CTSH: variants seen among roughly 807,000 people sequenced by gnomAD.
The protein encoded by CTSH is pro-cathepsin H.
Under a neutral mutation model 56.3 loss-of-function variants are expected in CTSH, and 52 were observed. The observed-to-expected ratio is 0.92, with a 90% CI of 0.74 to 1.16. The LOEUF (loss-of-function observed/expected upper bound fraction) is 1.16, where lower values mean the gene tolerates loss of function less well. Among genes scored for constraint, CTSH ranks in the 50% most tolerant of loss-of-function variants. The probability of loss-of-function intolerance (pLI) is 0.00; values close to 1 mark genes in which losing one functional copy is unlikely to be tolerated. For missense variants in CTSH, 406 were observed against 424.5 expected (o/e 0.96, Z 0.38); for synonymous variants, 174 against 155.7 (o/e 1.12, Z -0.88).
At chr15:78,944,130 G>T (rs1314554171) in intron 1 of CTSH, among the ~76,000 whole-genome samples, 1 of 152,178 alleles carries the variant, frequency 6.6e-6, no homozygotes, top group Non-Finnish European at 1.5e-5. Flanking sequence ...CTCGGTGAAG[G>T]GGGCAGGTGG....
intron 2 of CTSH, 102 bp from the exon 3 acceptor site, chr15:78,937,525 T>C: frequency 1.5e-6 from 2 of 1,364,898 alleles, no homozygotes; most frequent in Non-Finnish European, 2.0e-6. Context: ...GTTTTCTTTC[T>C]GCTATGATTC....
At chr15:78,927,384 C>A (rs959176433) in intron 9 of CTSH, 3 of 371,870 alleles carry the variant, frequency 8.1e-6, no homozygotes, top group African/African-American at 4.1e-5. Context: ...CAGTTTCACA[C>A]ACGCTGTGTC....
chr15:78,931,744 A>G (rs1057387044), intron 6 of CTSH: 1 of 1,423,642 alleles, frequency 7.0e-7, no homozygotes, highest in Non-Finnish European at 9.2e-7. Flanking sequence ...GGAAGGTGAG[A>G]GGGGGCAAGG....
At position 78,937,377 on chromosome 15, in the gene CTSH, G is replaced by A. The variant is rs188231215; in HGVS notation, c.170C>T (p.Thr57Met). 41 of 1,614,080 alleles carry A rather than the reference G, an allele frequency of 2.5e-5. 2 individuals are homozygous for A. The highest frequency in any genetic ancestry group is 1.6e-4 in the East Asian group (7 of 44,888). Residue 57 changes from threonine to methionine, a missense_variant, in exon 3 of 12, where the codon ACG becomes ATG. Physicochemically the swap from Thr to Met is moderately conservative, Grantham distance 81 (BLOSUM62 -1). Coordinates refer to ENST00000220166, the MANE Select transcript of CTSH (RefSeq NM_004390.5). The part of the protein sequence containing the change: ...STEEYHHRLQ[T>M]FASNWRKINA... ...TATCTTCCTCCAGTTGCTGGCAAAC[G>A]TCTGCAGCCTGTGGTGGTACTCCTC...
At chr15:78,936,396 G>T (rs1455920551) in intron 3 of CTSH, among the ~76,000 whole-genome samples, 3 of 151,488 alleles carry the variant, frequency 2.0e-5, no homozygotes, top group Middle Eastern at 3.2e-3. Context: ...TGGCCAGGCT[G>T]GTCTCGAACT....
intron 1 of CTSH, among the ~76,000 whole-genome samples, chr15:78,940,648 C>T (rs562091940): frequency 6.6e-6 from 1 of 152,154 alleles, no homozygotes; most frequent in South Asian, 2.1e-4. Flanking sequence ...GTAACATGAA[C>T]AAACTTTTCT....
At chr15:78,941,446 A>AAT (rs2055288880) in intron 1 of CTSH, among the ~76,000 whole-genome samples, 2 of 148,026 alleles carry the variant, frequency 1.4e-5, no homozygotes, top group African/African-American at 2.5e-5. Flanking sequence ...AAAAAAAAAA[A>AAT]AAAATTAAAT....
chr15:78,922,074 G>T lies in CTSH; in HGVS notation c.*56C>A, dbSNP rs2054780483. Reference sequence around the variant, plus strand: ...CCTCCAGGGCAGGATTTCCACCCAGGCCCAGGCTGCCCGTTCCTCTCCTTC... The same window carrying T: ...CCTCCAGGGCAGGATTTCCACCCAGTCCCAGGCTGCCCGTTCCTCTCCTTC... On this transcript the variant is annotated 3_prime_UTR_variant, in exon 12 of 12. Transcript: ENST00000220166. 6.7e-7 allele frequency: 1 copy of T among 1,499,310 alleles called. No individual in the cohort carries two copies. The highest frequency in any genetic ancestry group is 9.1e-7 in the Non-Finnish European group (1 of 1,102,148). The allele number at this position is 1,499,310 out of a possible 1,614,324, so 92.9% of individuals were successfully genotyped here. A position where few individuals can be genotyped will look rare whatever the true frequency, so the allele number is the denominator to read the frequency against.
At chr15:78,932,489 C>G (rs1399744094) in intron 5 of CTSH, 31 bp from the exon 6 acceptor site, 2 of 1,557,730 alleles carry the variant, frequency 1.3e-6, no homozygotes, top group Admixed American at 1.7e-5. Flanking sequence ...CAGAGGACAT[C>G]AGTGATGGGG....
intron 2 of CTSH, among the ~76,000 whole-genome samples, chr15:78,938,764 GAT>G (rs2055228758): frequency 6.6e-6 from 1 of 152,066 alleles, no homozygotes; most frequent in South Asian, 2.1e-4. Context: ...CTTTCTTTTG[GAT>G]ATATACTCAG....
chr15:78,944,076 C>A (rs1004068548), intron 1 of CTSH, among the ~76,000 whole-genome samples: 1 of 152,228 alleles, frequency 6.6e-6, no homozygotes, highest in Non-Finnish European at 1.5e-5. Flanking sequence ...GGCACCCCCC[C>A]TCCCTAGGTT....
intron 5 of CTSH, among the ~76,000 whole-genome samples, chr15:78,933,255 C>A (rs2055104651): frequency 6.6e-6 from 1 of 152,260 alleles, no homozygotes; most frequent in Non-Finnish European, 1.5e-5. Flanking sequence ...GGGCAAGTCA[C>A]TTCCCCTCTC....
intron 7 of CTSH, among the ~76,000 whole-genome samples, chr15:78,929,828 T>C (rs1375967404): frequency 1.3e-5 from 2 of 152,168 alleles, no homozygotes; most frequent in Non-Finnish European, 2.9e-5. Flanking sequence ...CCTGGGCAGG[T>C]GCTTCCCAGG....
At chr15:78,940,914 G>A (rs778375993) in intron 1 of CTSH, among the ~76,000 whole-genome samples, 51 of 152,214 alleles carry the variant, frequency 3.4e-4, no homozygotes, top group South Asian at 6.2e-4. Context: ...AGCCGAGATT[G>A]TGCCACTGCA....
rs555537969 is a variant in CTSH, at chr15:78,921,157, C to T, written c.*973G>A. On this transcript the variant is annotated 3_prime_UTR_variant, in exon 12 of 12. Transcript: ENST00000220166. The stretch of plus-strand genomic sequence containing the variant: ...CTCAAGCCTTTAGCTTTTCAGGAAG[C>T]CCAAATAAGATGACAGCTTTTATCA... The T allele has an allele frequency of 6.6e-6, 1 of 152,140 alleles. No individual in the cohort carries two copies. The highest frequency in any genetic ancestry group is 2.1e-4 in the South Asian group (1 of 4,814). The allele number at this position is 152,140 out of a possible 1,614,324, so 9.4% of individuals were successfully genotyped here. A position where few individuals can be genotyped will look rare whatever the true frequency, so the allele number is the denominator to read the frequency against.
rs757520960 is a variant in CTSH, at chr15:78,937,376, C to T, written c.171G>A (p.Thr57=). Residue 57 remains threonine, a synonymous_variant, in exon 3 of 12, where the codon ACG becomes ACA. Transcript: ENST00000220166. ...STEEYHHRLQ[T]FASNWRKINA... is the part of the protein sequence containing the mutation. ...TTATCTTCCTCCAGTTGCTGGCAAA[C>T]GTCTGCAGCCTGTGGTGGTACTCCT... 12 of 1,614,082 alleles carry T rather than the reference C, an allele frequency of 7.4e-6. No individual in the cohort carries two copies. The highest frequency in any genetic ancestry group is 9.3e-6 in the Non-Finnish European group (11 of 1,179,990).
At chr15:78,922,933 C>G in intron 11 of CTSH, 60 bp downstream of exon 11, 1 of 1,553,344 alleles carries the variant, frequency 6.4e-7, no homozygotes, top group South Asian at 1.2e-5. Flanking sequence ...GTGATGCCCC[C>G]AGGGCCTCCA....
chr15:78,939,313 G>T, intron 1 of CTSH, 142 bp from the exon 2 acceptor site: 1 of 611,874 alleles, frequency 1.6e-6, no homozygotes, highest in Non-Finnish European at 2.8e-6. Flanking sequence ...ATATAATGCA[G>T]AATGCAAAAA....
At chr15:78,927,644 A>G (rs2054939949) in intron 9 of CTSH, 69 bp downstream of exon 9, 3 of 1,415,558 alleles carry the variant, frequency 2.1e-6, no homozygotes, top group Middle Eastern at 2.0e-4. Flanking sequence ...CCCACTGGCT[A>G]TCCGACAGCA....
Sources: allele counts gnomAD v4.1 joint callset (sites outside exome capture counted in the v4.1 genomes callset), GRCh38; gene constraint gnomAD v4.1.1; transcripts MANE v1.5; gene names NCBI Gene and HGNC (gene_info 2026-07-23, HGNC 2026-07-21).